The following ITPR1 variants were observed in gnomAD, a reference collection of about 807,000 sequenced individuals.
The protein encoded by ITPR1 is inositol 1,4,5-trisphosphate-gated calcium channel ITPR1.
In ITPR1, 96 loss-of-function variants were observed where a neutral mutation model predicts 318.4. The ratio of observed to expected loss-of-function variants is 0.30; its 90% CI spans 0.26 to 0.36. The LOEUF is 0.36. Ranked by LOEUF, ITPR1 falls within the 10% of genes least tolerant of loss-of-function variation. The pLI, the probability that ITPR1 is intolerant of heterozygous loss-of-function variation, is 1.00. For missense variants in ITPR1, 2,440 were observed against 3,460.2 expected (o/e 0.71, Z 7.40); for synonymous variants, 1,312 against 1,289.9 (o/e 1.02, Z -0.37).
At chr3:4,805,968 GT>G (rs968051672) in intron 54 of ITPR1, 134 bp from the exon 55 acceptor site, 42 of 699,406 alleles carry the variant, frequency 6.0e-5, no homozygotes, top group Middle Eastern at 3.2e-4. Context: ...GGCGGGTTTG[GT>G]GGGCACCGGG....
At chr3:4,545,205 GTTTAAAC>G (rs1211940177) in intron 4 of ITPR1, among the ~76,000 whole-genome samples, 16 of 152,356 alleles carry the variant, frequency 1.1e-4, no homozygotes, top group African/African-American at 3.8e-4. Flanking sequence ...CAGTTGATCT[GTTTAAAC>G]TTTAATATTT....
chr3:4,715,393 G>A (rs1024318606), intron 39 of ITPR1, among the ~76,000 whole-genome samples: 3 of 152,288 alleles, frequency 2.0e-5, no homozygotes, highest in Non-Finnish European at 2.9e-5. Context: ...TCACACAGTT[G>A]AGAACACTCT....
At chr3:4,560,210 G>GCA (rs1318004176) in intron 4 of ITPR1, among the ~76,000 whole-genome samples, 1 of 152,164 alleles carries the variant, frequency 6.6e-6, no homozygotes, top group Non-Finnish European at 1.5e-5. Context: ...ATTGGTGGAT[G>GCA]CACAGATGGA....
Position 4,710,526 on chromosome 3 carries a change from A to C in ITPR1, c.4991+53A>C. ...CATTTGCCAGAACCTTGATGACCTC[A>C]CAAAGCTTTTGTTCCCGAAGAAGGA... is the stretch of plus-strand genomic sequence containing the variant. On this transcript the variant is annotated intron_variant, in intron 38 of 61. Coordinates refer to ENST00000649015, the MANE Select transcript of ITPR1 (RefSeq NM_001378452.1). This position sits in a 1 kb window ranked among gnomAD's most constrained non-coding sequence, Gnocchi z 4.2. The C allele has an allele frequency of 6.6e-7, 1 of 1,517,560 alleles. No homozygotes were observed. The highest frequency in any genetic ancestry group is 1.2e-5 in the South Asian group (1 of 81,860). The allele number at this position is 1,517,560 out of a possible 1,614,324, so 94.0% of individuals were successfully genotyped here.
At chr3:4,657,527 G>C (rs1446709101) in intron 12 of ITPR1, among the ~76,000 whole-genome samples, 3 of 151,274 alleles carry the variant, frequency 2.0e-5, no homozygotes, top group Non-Finnish European at 4.4e-5. Flanking sequence ...AAATGCGGTG[G>C]CGCGATCTCA....
chr3:4,661,838 T>C (rs1174601178), intron 14 of ITPR1, among the ~76,000 whole-genome samples: 1 of 152,204 alleles, frequency 6.6e-6, no homozygotes, highest in African/African-American at 2.4e-5. Context: ...CTGTAACAAA[T>C]GAAGTTAAAA....
At chr3:4,843,354 A>T (rs79549028) in intron 61 of ITPR1, among the ~76,000 whole-genome samples, 4,453 of 152,140 alleles carry the variant, frequency 0.029, 181 homozygotes, top group South Asian at 0.17. Context: ...TACTTTTTTT[A>T]AAAAAAGTGT....
chr3:4,781,851 T>C (rs1217525040), intron 49 of ITPR1, among the ~76,000 whole-genome samples: 1 of 152,112 alleles, frequency 6.6e-6, no homozygotes, highest in Non-Finnish European at 1.5e-5. Flanking sequence ...GGCATGGTGG[T>C]GGACACCTGT....
Position 4,652,144 on chromosome 3 carries a change from C to G in ITPR1, c.877C>G (p.Arg293Gly). ...EVEVVQHDPC[R>G]GGAGYWNSLF... ...GCAGGTGGTCCAGCATGACCCATGT[C>G]GGGGCGGAGCAGGGTATTGGAACAG... The change falls in exon 11 of 62, where the codon CGG becomes GGG. Residue 293 changes from arginine (R) to glycine (G), a missense_variant. Physicochemically the swap from Arg to Gly is moderately radical, Grantham distance 125. This residue lies in a region of ITPR1 where 32 missense variants were observed against 62.7 expected (regional missense o/e 0.51). Coordinates refer to ENST00000649015, the MANE Select transcript of ITPR1 (RefSeq NM_001378452.1). 3 of 1,612,492 alleles carry G rather than the reference C, an allele frequency of 1.9e-6. No individual in the cohort carries two copies. The highest frequency in any genetic ancestry group is 2.5e-6 in the Non-Finnish European group (3 of 1,179,366).
At chr3:4,625,763 T>C (rs1403374613) in intron 4 of ITPR1, among the ~76,000 whole-genome samples, 1 of 152,228 alleles carries the variant, frequency 6.6e-6, no homozygotes, top group East Asian at 1.9e-4. Flanking sequence ...TTCACCATGT[T>C]AGCCAGGATG....
chr3:4,814,984 G>T, intron 58 of ITPR1, 69 bp from the exon 59 acceptor site: 2 of 1,333,556 alleles, frequency 1.5e-6, no homozygotes, highest in Non-Finnish European at 2.1e-6. Flanking sequence ...CACTTGAGCT[G>T]TGCCCCAGGC....
chr3:4,715,138 A>C (rs767434148), intron 39 of ITPR1, among the ~76,000 whole-genome samples: 2 of 152,334 alleles, frequency 1.3e-5, no homozygotes. Context: ...CCGGGGTTAC[A>C]TAGTTAATTA....
At chr3:4,655,351 G>A (rs1350150185) in intron 12 of ITPR1, among the ~76,000 whole-genome samples, 1 of 152,112 alleles carries the variant, frequency 6.6e-6, no homozygotes, top group Non-Finnish European at 1.5e-5. Flanking sequence ...GTAGAGGGCT[G>A]CTCTCCTGGC....
intron 18 of ITPR1, among the ~76,000 whole-genome samples, chr3:4,668,502 C>G (rs1051447113): frequency 6.6e-6 from 1 of 151,762 alleles, no homozygotes; most frequent in Non-Finnish European, 1.5e-5. Context: ...GAGTCTCGCT[C>G]TGTCACCCAG....
chr3:4,577,169 G>A (rs886673780), intron 4 of ITPR1, among the ~76,000 whole-genome samples: 4 of 152,162 alleles, frequency 2.6e-5, no homozygotes, highest in Non-Finnish European at 5.9e-5. Flanking sequence ...ATTGAAATGA[G>A]GGCCCTGGGC....
At chr3:4,719,541 G>C (rs1046053902) in intron 40 of ITPR1, among the ~76,000 whole-genome samples, 4 of 152,222 alleles carry the variant, frequency 2.6e-5, no homozygotes, top group African/African-American at 9.6e-5. Flanking sequence ...CATCTGAACT[G>C]CGTACCCATG....
intron 4 of ITPR1, among the ~76,000 whole-genome samples, chr3:4,595,403 A>G (rs2090726779): frequency 6.6e-6 from 1 of 152,188 alleles, no homozygotes; most frequent in Non-Finnish European, 1.5e-5. Context: ...TCACTGTCAC[A>G]ATAACGGCAC....
At position 4,787,086 on chromosome 3, in the gene ITPR1, A is replaced by G. The variant is rs182595682; in HGVS notation, c.6616-861A>G. 2.5e-3 allele frequency among the ~76,000 whole-genome samples: 381 copies of G among 152,318 alleles called. 9 individuals carry two copies. Among genetic ancestry groups the G allele is most frequent in the Admixed American group, 0.021 (317 of 15,302 alleles). On this transcript the variant is annotated intron_variant, in intron 51 of 61. Transcript: ENST00000649015. ...CTCAGTTGCACTAGCCACAGGTGTTAGTGATTGGGGCCACACGTGACTAGC... is the reference window on the plus strand; with the variant it reads ...CTCAGTTGCACTAGCCACAGGTGTTGGTGATTGGGGCCACACGTGACTAGC...
At chr3:4,783,644 A>G (rs1191537143) in intron 50 of ITPR1, among the ~76,000 whole-genome samples, 172 bp from the exon 51 acceptor site, 3 of 152,374 alleles carry the variant, frequency 2.0e-5, no homozygotes, top group East Asian at 3.9e-4. Context: ...CTCCCAAAAT[A>G]GCGCCTGTGC....
Sources: allele counts gnomAD v4.1 joint callset (sites outside exome capture counted in the v4.1 genomes callset), GRCh38; gene constraint gnomAD v4.1.1; regional missense constraint gnomAD v4.1.1; non-coding constraint Gnocchi (gnomAD v3.1); transcripts MANE v1.5; gene names NCBI Gene and HGNC (gene_info 2026-07-23, HGNC 2026-07-21).